UMODL1: variants seen among roughly 807,000 people sequenced by gnomAD.
UMODL1 encodes uromodulin like 1, also known as uromodulin-like 1.
Under a neutral mutation model 136.3 loss-of-function variants are expected in UMODL1, and 128 were observed. That is an observed-to-expected ratio of 0.94 (90% CI 0.81 to 1.09). The LOEUF is 1.09. Ranked by LOEUF, UMODL1 falls within the 50% of genes least tolerant of loss-of-function variation. The pLI is 0.00. For synonymous variants in UMODL1, 721 were observed against 720.0 expected (o/e 1.00, Z -0.02); for missense variants, 1,766 against 1,725.6 (o/e 1.02, Z -0.41).
At chr21:42,086,245 AATGCCGAAC>A (rs1185042200) in intron 4 of UMODL1, among the ~76,000 whole-genome samples, 2 of 152,192 alleles carry the variant, frequency 1.3e-5, no homozygotes, top group Non-Finnish European at 2.9e-5. Context: ...TGCCTCTGGA[AATGCCGAAC>A]ACTTTTCAGA....
chr21:42,096,425 G>C (rs2066558309), intron 6 of UMODL1, among the ~76,000 whole-genome samples: 1 of 152,150 alleles, frequency 6.6e-6, no homozygotes, highest in South Asian at 2.1e-4. Flanking sequence ...TTAATTTAAA[G>C]AGTAAATATA....
intron 2 of UMODL1, among the ~76,000 whole-genome samples, chr21:42,078,061 G>A (rs1601179094): frequency 1.3e-5 from 2 of 152,228 alleles, no homozygotes; most frequent in Admixed American, 6.5e-5. Flanking sequence ...GGTTTCGGGT[G>A]TGCTGTTAAC....
rs191267716 is a variant in UMODL1, at chr21:42,106,100, C to A, written c.1519+2013C>A. ...AGCTGTGTGGCCAGTGATGGTGACG[C>A]CTCAGGCCGTGCATGGCCGGGGAGG... On this transcript the variant is annotated intron_variant, in intron 9 of 22. Coordinates refer to ENST00000408910, the MANE Select transcript of UMODL1 (RefSeq NM_001004416.3). Among the ~76,000 whole-genome samples, 465 of 152,312 alleles carry A rather than the reference C, an allele frequency of 3.1e-3. 2 individuals carry two copies. The highest frequency in any genetic ancestry group is 5.4e-3 in the Non-Finnish European group (370 of 68,018).
In UMODL1 at chr21:42,111,691, T is replaced by C. The variant is rs756865796; in HGVS notation, c.2085T>C (p.Ala695=). 8 of 1,612,522 alleles carry C rather than the reference T, an allele frequency of 5.0e-6. No homozygotes were observed. The highest frequency in any genetic ancestry group is 6.8e-6 in the Non-Finnish European group (8 of 1,179,074). ...VDLPLTSTLT[A]LKTPACVPVS... ...TGCCATTGACCTCCACCCTCACAGC[T>C]CTGAAGACCCCCGCCTGTGGTGAGT... Residue 695 remains alanine, a synonymous_variant, in exon 12 of 23, where the codon GCT becomes GCC. Coordinates refer to ENST00000408910, the MANE Select transcript of UMODL1 (RefSeq NM_001004416.3).
At chr21:42,071,434 G>A in intron 1 of UMODL1, 42 bp downstream of exon 1, 2 of 1,509,306 alleles carry the variant, frequency 1.3e-6, no homozygotes, top group South Asian at 1.3e-5. Context: ...TTAAGGACAG[G>A]GGCTTCCTGG....
intron 1 of UMODL1, 33 bp downstream of exon 1, chr21:42,071,425 T>C (rs756589973): frequency 1.3e-6 from 2 of 1,537,182 alleles, no homozygotes; most frequent in South Asian, 2.5e-5. Flanking sequence ...GGGCAGTTCT[T>C]AAGGACAGGG....
chr21:42,077,073 T>C (rs1466025079), intron 2 of UMODL1, among the ~76,000 whole-genome samples: 1 of 141,814 alleles, frequency 7.1e-6, no homozygotes, highest in Non-Finnish European at 1.5e-5. Flanking sequence ...GTGTGGTGGC[T>C]GCTAATTTTG....
Position 42,127,796 on chromosome 21 carries a change from G to C in UMODL1, c.3655G>C (p.Val1219Leu). ...CGTCTACCTGCACTGCAAACTCCGC[G>C]TCTGCATGGAATCCCCCGGAGCCAC... Reference protein sequence around the residue: ...SIVYLHCKLRVCMESPGATCK... With the variant: ...SIVYLHCKLRLCMESPGATCK... Residue 1219 changes from valine to leucine, a missense_variant, in exon 20 of 23, where the codon GTC becomes CTC. By Grantham distance (32) the Val-to-Leu change is conservative (BLOSUM62 1). Coordinates refer to ENST00000408910, the MANE Select transcript of UMODL1 (RefSeq NM_001004416.3). 2 of 1,613,914 alleles carry C rather than the reference G, an allele frequency of 1.2e-6. No homozygotes were observed. The highest frequency in any genetic ancestry group is 1.7e-6 in the Non-Finnish European group (2 of 1,179,986).
rs541943921 is a variant in UMODL1, at chr21:42,075,245, G to C, written c.77-760G>C. On this transcript the variant is annotated intron_variant, in intron 1 of 22. Coordinates refer to ENST00000408910, the MANE Select transcript of UMODL1 (RefSeq NM_001004416.3). ...AAAAAATATTTTTGCTGGAGATGGG[G>C]GGGGGGTTTCACCATGTTGGCCGGG... 2.0e-5 allele frequency among the ~76,000 whole-genome samples: 3 copies of C among 148,220 alleles called. No individual in the cohort carries two copies. In the East Asian group the frequency reaches 6.0e-4, roughly 30 times the overall value.
chr21:42,101,483 G>A (rs2066631894), intron 7 of UMODL1, among the ~76,000 whole-genome samples: 1 of 152,160 alleles, frequency 6.6e-6, no homozygotes, highest in South Asian at 2.1e-4. Flanking sequence ...GCCAGGGTGG[G>A]GCACAGCTGC....
At chr21:42,071,213 T>C (rs2066227804), upstream of UMODL1, 1 of 1,248,480 alleles carries the variant, frequency 8.0e-7, no homozygotes, top group Admixed American at 3.9e-5. Context: ...GAAAGGCCGT[T>C]TCTCCAGGTC....
At position 42,104,218 on chromosome 21, in the gene UMODL1, C is replaced by T. The variant is rs560571514; in HGVS notation, c.1519+131C>T. On this transcript the variant is annotated intron_variant, in intron 9 of 22. Coordinates refer to ENST00000408910, the MANE Select transcript of UMODL1 (RefSeq NM_001004416.3). ...TGCAAATCCTTATTCTATCTTCCTC[C>T]ACCGGAACCAGGGGCCAGGGCAGTA... 8 of 1,031,270 alleles carry T rather than the reference C, an allele frequency of 7.8e-6. No individual in the cohort carries two copies. The South Asian group carries it at 1.2e-4, about 15-fold the overall frequency. 63.9% of individuals were successfully genotyped at this position (1,031,270 alleles called of 1,614,324 possible).
intron 21 of UMODL1, among the ~76,000 whole-genome samples, chr21:42,137,136 C>A (rs959793603): frequency 7.9e-5 from 12 of 152,194 alleles, no homozygotes; most frequent in Admixed American, 1.3e-4. Context: ...GTAGGCCCAA[C>A]CCGTGTGTCC....
chr21:42,124,233 G>A (rs2067020670), intron 17 of UMODL1, among the ~76,000 whole-genome samples: 1 of 152,230 alleles, frequency 6.6e-6, no homozygotes, highest in South Asian at 2.1e-4. Flanking sequence ...GGAGGGGAGA[G>A]CCAGCACCTT....
chr21:42,066,523 C>T (rs954629149), upstream of UMODL1, among the ~76,000 whole-genome samples: 1 of 152,128 alleles, frequency 6.6e-6, no homozygotes. Flanking sequence ...TGACCTCAGG[C>T]GATCTGCCCA....
At chr21:42,103,229 A>ATCTCGGTGGTCGCCGT in intron 8 of UMODL1, 1 of 202,572 alleles carries the variant, frequency 4.9e-6, no homozygotes, top group Non-Finnish European at 1.0e-5. Context: ...AGATGTGTAG[A>ATCTCGGTGGTCGCCGT]AATGCCAGAG....
chr21:42,087,186 C>G (rs1316824902), intron 4 of UMODL1, among the ~76,000 whole-genome samples: 1 of 152,164 alleles, frequency 6.6e-6, no homozygotes, highest in Non-Finnish European at 1.5e-5. Context: ...CCCATTACCC[C>G]CTGCAGAAGC....
At chr21:42,109,380 A>G (rs2066781574) in intron 9 of UMODL1, among the ~76,000 whole-genome samples, 182 bp from the exon 10 acceptor site, 1 of 152,212 alleles carries the variant, frequency 6.6e-6, no homozygotes. Flanking sequence ...AACCAATGTG[A>G]AGGTGGGCAC....
At chr21:42,075,936 T>C (rs754025633) in intron 1 of UMODL1, 69 bp from the exon 2 acceptor site, 381 of 1,588,498 alleles carry the variant, frequency 2.4e-4, no homozygotes, top group Non-Finnish European at 3.1e-4. Flanking sequence ...GAGGGACGCC[T>C]TGCGGATAAC....
Sources: gnomAD v4.1 joint callset for allele counts (sites outside exome capture counted in the v4.1 genomes callset) on GRCh38, gnomAD v4.1.1 for gene constraint, MANE v1.5 for transcripts, NCBI Gene and HGNC (gene_info 2026-07-23, HGNC 2026-07-21) for gene names.